EPB41: variants seen among roughly 807,000 people sequenced by gnomAD.
EPB41 encodes erythrocyte membrane protein band 4.1.
A neutral mutation model predicts 108.0 loss-of-function variants in EPB41; 65 were observed. That is an observed-to-expected ratio of 0.60 (90% CI 0.49 to 0.74). The LOEUF is 0.74. Among genes scored for constraint, EPB41 ranks in the 30% least tolerant of loss-of-function variants. The probability of loss-of-function intolerance (pLI) is 0.00; values close to 1 mark genes in which losing one functional copy is unlikely to be tolerated. For synonymous variants in EPB41, 336 were observed against 358.9 expected (o/e 0.94, Z 0.72); for missense variants, 875 against 1,037.0 (o/e 0.84, Z 2.15).
chr1:29,059,429 ACAT>A (rs1485319544), intron 14 of EPB41, among the ~76,000 whole-genome samples: 3 of 152,136 alleles, frequency 2.0e-5, no homozygotes, highest in African/African-American at 7.2e-5. Flanking sequence ...TTTCACAATG[ACAT>A]CATATTCTTG....
At chr1:29,013,544 G>A (rs2096536565) in intron 5 of EPB41, among the ~76,000 whole-genome samples, 1 of 151,990 alleles carries the variant, frequency 6.6e-6, no homozygotes, top group African/African-American at 2.4e-5. Context: ...TGTTTGTTTT[G>A]AGATGGAGTT....
intron 1 of EPB41, among the ~76,000 whole-genome samples, chr1:28,942,849 A>G (rs1185169200): frequency 6.6e-6 from 1 of 152,254 alleles, no homozygotes; most frequent in Non-Finnish European, 1.5e-5. Flanking sequence ...TCAATTCATT[A>G]GTATTCACAG....
intron 1 of EPB41, among the ~76,000 whole-genome samples, chr1:28,979,924 A>T (rs550060797): frequency 6.6e-6 from 1 of 152,242 alleles, no homozygotes; most frequent in Non-Finnish European, 1.5e-5. Context: ...GGTGCAATCA[A>T]GGCTTCTAAA....
intron 17 of EPB41, among the ~76,000 whole-genome samples, chr1:29,109,057 G>T (rs1668261142): frequency 1.3e-5 from 2 of 151,910 alleles, no homozygotes; most frequent in African/African-American, 4.8e-5. Flanking sequence ...AATTAGCCCG[G>T]TGTGGTGGTG....
At chr1:28,941,194 C>T (rs1188222554) in intron 1 of EPB41, among the ~76,000 whole-genome samples, 1 of 150,870 alleles carries the variant, frequency 6.6e-6, no homozygotes, top group African/African-American at 2.4e-5. Flanking sequence ...CCTCCTGAGA[C>T]CTGTCTCTAC....
chr1:28,891,097 G>T, intron 1 of EPB41: 2 of 617,766 alleles, frequency 3.2e-6, no homozygotes, highest in Non-Finnish European at 4.0e-6. Context: ...GCCCCACGCA[G>T]CTACTGCCCA....
intron 18 of EPB41, among the ~76,000 whole-genome samples, chr1:29,110,237 T>C: frequency 6.6e-6 from 1 of 151,138 alleles, no homozygotes. Context: ...CCCGGCTACT[T>C]GGGAGGCTGA....
At chr1:28,905,155 C>T (rs566465837) in intron 1 of EPB41, among the ~76,000 whole-genome samples, 9 of 149,940 alleles carry the variant, frequency 6.0e-5, no homozygotes, top group East Asian at 2.0e-4. Flanking sequence ...GGCGAGATTG[C>T]GCCACTGCAC....
intron 16 of EPB41, among the ~76,000 whole-genome samples, chr1:29,076,831 C>T (rs867711483): frequency 2.6e-5 from 4 of 152,084 alleles, no homozygotes; most frequent in Admixed American, 6.6e-5. Context: ...TGCTTGAGCC[C>T]GGGAGCTCAA....
chr1:29,021,368 G>T (rs933644120), intron 7 of EPB41, among the ~76,000 whole-genome samples: 8 of 152,128 alleles, frequency 5.3e-5, no homozygotes, highest in African/African-American at 1.9e-4. Context: ...ACTTGCAGCT[G>T]GAAGTGCAAG....
intron 1 of EPB41, 87 bp downstream of exon 1, chr1:28,914,855 G>C (rs1479308896): frequency 2.0e-5 from 3 of 152,558 alleles, no homozygotes; most frequent in Non-Finnish European, 2.9e-5. Flanking sequence ...GGCCGCGGCG[G>C]CGCTGCAGCC....
intron 16 of EPB41, among the ~76,000 whole-genome samples, chr1:29,094,773 C>T (rs1014651600): frequency 6.6e-6 from 1 of 152,160 alleles, no homozygotes; most frequent in East Asian, 1.9e-4. Flanking sequence ...GGTCCATCTA[C>T]TGGGATGGTA....
chr1:29,111,485 C>T (rs2151708402), intron 18 of EPB41, among the ~76,000 whole-genome samples: 1 of 151,690 alleles, frequency 6.6e-6, no homozygotes, highest in African/African-American at 2.4e-5. Context: ...AACCCCGTCT[C>T]TACTAAAAAT....
chr1:29,004,916 A>G (rs1031276863), intron 4 of EPB41, among the ~76,000 whole-genome samples: 1 of 152,194 alleles, frequency 6.6e-6, no homozygotes, highest in African/African-American at 2.4e-5. Context: ...AAGGATTTGT[A>G]TAAATCTCTT....
At chr1:28,918,778 T>A (rs952043357) in intron 1 of EPB41, among the ~76,000 whole-genome samples, 8 of 152,182 alleles carry the variant, frequency 5.3e-5, no homozygotes, top group Non-Finnish European at 1.5e-5. Context: ...GAAAAAGTAA[T>A]TGCTTGATTG....
chr1:28,896,517 G>A (rs954847905), intron 1 of EPB41, among the ~76,000 whole-genome samples: 8 of 152,200 alleles, frequency 5.3e-5, no homozygotes, highest in African/African-American at 1.7e-4. Context: ...CCGGGAGCTC[G>A]GAGTCTAGTT....
chr1:29,097,863 A>T lies in EPB41; in HGVS notation c.2241A>T (p.Lys747Asn). 6.2e-7 allele frequency: 1 copy of T among 1,614,034 alleles called. No homozygotes were observed. Among genetic ancestry groups the T allele is most frequent in the Non-Finnish European group, 8.5e-7 (1 of 1,179,910 alleles). Reference sequence around the variant, plus strand: ...TCTCAGATAATGCCAATGCTGTGAAAAGTGAAATCCCAACCAAAGACGTCC... The same window carrying T: ...TCTCAGATAATGCCAATGCTGTGAATAGTGAAATCCCAACCAAAGACGTCC... ...VTISDNANAV[K>N]SEIPTKDVPI... The change falls in exon 17 of 21, where the codon AAA becomes AAT. Residue 747 changes from lysine (K) to asparagine (N), a missense_variant. This residue lies in a region of EPB41 where 519 missense variants were observed against 627.3 expected (regional missense o/e 0.83). Transcript: ENST00000343067.
intron 1 of EPB41, among the ~76,000 whole-genome samples, chr1:28,904,073 GC>G (rs1164176239): frequency 6.6e-6 from 1 of 151,782 alleles, no homozygotes. Context: ...CACCATCTTG[GC>G]CAGGCTGGTC....
At chr1:29,074,533 T>C (rs1185177143) in intron 16 of EPB41, among the ~76,000 whole-genome samples, 3 of 152,204 alleles carry the variant, frequency 2.0e-5, no homozygotes. Flanking sequence ...CTCCTTTTAC[T>C]GTAGCAGAAT....
Sources: allele counts gnomAD v4.1 joint callset (sites outside exome capture counted in the v4.1 genomes callset), GRCh38; gene constraint gnomAD v4.1.1; regional missense constraint gnomAD v4.1.1; transcripts MANE v1.5; gene names NCBI Gene and HGNC (gene_info 2026-07-23, HGNC 2026-07-21).